ADAMTSL1: variants seen among roughly 807,000 people sequenced by gnomAD.
ADAMTSL1 encodes the protein ADAMTS-like protein 1.
In ADAMTSL1, 126 loss-of-function variants were observed where a neutral mutation model predicts 201.8. That is an observed-to-expected ratio of 0.62 (90% CI 0.54 to 0.72). ADAMTSL1 has a LOEUF of 0.72. Among genes scored for constraint, ADAMTSL1 ranks in the 30% least tolerant of loss-of-function variants. The pLI is 0.00. For missense variants in ADAMTSL1, 2,679 were observed against 2,277.8 expected (o/e 1.18, Z -3.59); for synonymous variants, 1,121 against 903.4 (o/e 1.24, Z -4.32).
rs145872798 is a variant in ADAMTSL1 at position 18,611,424 on chromosome 9, T to A, written c.475-10819T>A. ...GAATTGTAGTGTCTGTATGCACAAA[T>A]GTCTATACCAGGATAGTTCTTAGGA... is the stretch of plus-strand genomic sequence containing the variant. On this transcript the variant is annotated intron_variant, in intron 4 of 28. Transcript: ENST00000380548. Among the ~76,000 whole-genome samples, 231 of 152,294 alleles carry A rather than the reference T, an allele frequency of 1.5e-3. 1 individual carries two copies. Among genetic ancestry groups the A allele is most frequent in the African/African-American group, 5.4e-3 (224 of 41,552 alleles).
chr9:18,738,877 T>C (rs1434979401), intron 15 of ADAMTSL1, among the ~76,000 whole-genome samples: 1 of 152,208 alleles, frequency 6.6e-6, no homozygotes, highest in East Asian at 1.9e-4. Flanking sequence ...ATGAGAAATA[T>C]TATAACAATG....
chr9:18,312,604 T>G (rs978218903), intron 2 of ADAMTSL1, among the ~76,000 whole-genome samples: 1 of 152,138 alleles, frequency 6.6e-6, no homozygotes, highest in African/African-American at 2.4e-5. Context: ...ACTGGGTATT[T>G]TAAACATTCC....
chr9:18,168,116 T>C (rs909938152), intron 2 of ADAMTSL1, among the ~76,000 whole-genome samples: 1 of 151,998 alleles, frequency 6.6e-6, no homozygotes, highest in African/African-American at 2.4e-5. Context: ...TTTTCTTAAC[T>C]AGTTTTTTTT....
At chr9:18,857,372 A>T (rs965846088) in intron 23 of ADAMTSL1, among the ~76,000 whole-genome samples, 1 of 152,204 alleles carries the variant, frequency 6.6e-6, no homozygotes, top group African/African-American at 2.4e-5. Flanking sequence ...TTCAAACGAA[A>T]ACAGTTCCTC....
rs1818836213 is a variant in ADAMTSL1 at position 18,523,540 on chromosome 9, G to A, written c.192-9707G>A. Among the ~76,000 whole-genome samples the A allele has an allele frequency of 3.3e-5, 5 of 152,274 alleles. No individual in the cohort carries two copies. The South Asian group carries it at 6.2e-4, about 19-fold the overall frequency. On this transcript the variant is annotated intron_variant, in intron 2 of 28. Coordinates refer to ENST00000380548, the MANE Select transcript of ADAMTSL1 (RefSeq NM_001040272.6). Reference sequence around the variant, plus strand: ...CCATGCCTATGTCCTGAATGGTATTGCCTAGGTTTTCTTCTAGGGTTTTTA... The same window carrying A: ...CCATGCCTATGTCCTGAATGGTATTACCTAGGTTTTCTTCTAGGGTTTTTA...
intron 1 of ADAMTSL1, among the ~76,000 whole-genome samples, chr9:18,010,647 G>A (rs1032179196): frequency 6.6e-6 from 1 of 151,890 alleles, no homozygotes; most frequent in African/African-American, 2.4e-5. Flanking sequence ...TGCTTGCTCA[G>A]CCCAGACAAT....
intron 23 of ADAMTSL1, among the ~76,000 whole-genome samples, chr9:18,882,854 T>C (rs763924910): frequency 6.6e-6 from 1 of 151,720 alleles, no homozygotes; most frequent in Non-Finnish European, 1.5e-5. Context: ...TAGCTGTGTG[T>C]GGTGGCACAT....
intron 20 of ADAMTSL1, among the ~76,000 whole-genome samples, chr9:18,815,544 CAA>C (rs113450518): frequency 2.9e-5 from 4 of 140,062 alleles, no homozygotes; most frequent in African/African-American, 5.2e-5. Context: ...ACAAAAAATA[CAA>C]AAAAAAAAAA....
At chr9:18,256,632 A>G (rs547084202) in intron 2 of ADAMTSL1, among the ~76,000 whole-genome samples, 5 of 152,362 alleles carry the variant, frequency 3.3e-5, no homozygotes, top group African/African-American at 7.2e-5. Flanking sequence ...AGCCAGTGCT[A>G]TAGTAGGAGA....
intron 2 of ADAMTSL1, among the ~76,000 whole-genome samples, chr9:18,452,885 G>T (rs912147333): frequency 1.3e-5 from 2 of 152,214 alleles, no homozygotes; most frequent in Non-Finnish European, 2.9e-5. Context: ...TGGAGCCCCA[G>T]GCCTACAGCT....
chr9:17,990,144 A>G (rs986350615), intron 1 of ADAMTSL1, among the ~76,000 whole-genome samples: 1 of 152,022 alleles, frequency 6.6e-6, no homozygotes, highest in African/African-American at 2.4e-5. Flanking sequence ...TTATTAAAAT[A>G]AGTAATATTT....
At chr9:18,901,283 C>G (rs1830003409) in intron 26 of ADAMTSL1, among the ~76,000 whole-genome samples, 1 of 152,036 alleles carries the variant, frequency 6.6e-6, no homozygotes, top group Non-Finnish European at 1.5e-5. Context: ...TTCCTGATTA[C>G]AAGACATATT....
chr9:18,567,854 A>T (rs1822022996), intron 3 of ADAMTSL1, among the ~76,000 whole-genome samples: 1 of 152,224 alleles, frequency 6.6e-6, no homozygotes, highest in African/African-American at 2.4e-5. Flanking sequence ...AGCAAAAATA[A>T]TAAAATAGAA....
chr9:18,839,639 C>G (rs1444816075), intron 23 of ADAMTSL1, among the ~76,000 whole-genome samples: 1 of 152,220 alleles, frequency 6.6e-6, no homozygotes, highest in East Asian at 1.9e-4. Flanking sequence ...AACTAGTTTA[C>G]AGTCCCACCA....
At chr9:18,235,560 T>C (rs1830815003) in intron 2 of ADAMTSL1, among the ~76,000 whole-genome samples, 1 of 152,242 alleles carries the variant, frequency 6.6e-6, no homozygotes, top group African/African-American at 2.4e-5. Context: ...ATTAATAGAA[T>C]ACTGAGAATT....
rs768924839 is a variant in ADAMTSL1 at position 18,908,608 on chromosome 9, G to A, written c.*60G>A. 4.1e-4 allele frequency: 543 copies of A among 1,313,834 alleles called. 3 individuals are homozygous for A. The highest frequency in any genetic ancestry group is 5.4e-4 in the Non-Finnish European group (511 of 943,624). 81.4% of individuals were successfully genotyped at this position (1,313,834 alleles called of 1,614,324 possible). On this transcript the variant is annotated 3_prime_UTR_variant, in exon 29 of 29. Transcript: ENST00000380548. ...CACGAAGGACTCACGCAACCACCTCGGACAGAACCTAAGCTTTCTTCATTT... is the reference window on the plus strand; with the variant it reads ...CACGAAGGACTCACGCAACCACCTCAGACAGAACCTAAGCTTTCTTCATTT...
intron 19 of ADAMTSL1, among the ~76,000 whole-genome samples, chr9:18,784,879 G>C (rs966805864): frequency 1.3e-5 from 2 of 152,158 alleles, no homozygotes; most frequent in African/African-American, 4.8e-5. Flanking sequence ...AAGTAATCGA[G>C]CTGGGGTGAG....
intron 9 of ADAMTSL1, among the ~76,000 whole-genome samples, chr9:18,662,388 T>C (rs917640622): frequency 2.6e-5 from 4 of 152,294 alleles, no homozygotes; most frequent in South Asian, 2.1e-4. Context: ...TCCAGGCCAA[T>C]GGACCACTCA....
chr9:18,090,297 A>G (rs755590611), intron 1 of ADAMTSL1, among the ~76,000 whole-genome samples: 1 of 152,190 alleles, frequency 6.6e-6, no homozygotes, highest in Non-Finnish European at 1.5e-5. Flanking sequence ...ATATTTATAA[A>G]TGAATGTTCA....
Sources: gnomAD v4.1 joint callset for allele counts (sites outside exome capture counted in the v4.1 genomes callset) on GRCh38, gnomAD v4.1.1 for gene constraint, MANE v1.5 for transcripts, NCBI Gene and HGNC (gene_info 2026-07-23, HGNC 2026-07-21) for gene names.